Variants in DPP10 observed in about 807,000 individuals in gnomAD.
DPP10 encodes dipeptidyl peptidase like 10.
In DPP10, 33 loss-of-function variants were observed where a neutral mutation model predicts 120.9. The ratio of observed to expected loss-of-function variants is 0.27; its 90% CI spans 0.21 to 0.37. The LOEUF is 0.37. DPP10 is among the 10% of genes least tolerant of loss of function. The pLI is 1.00. For missense variants in DPP10, 816 were observed against 942.8 expected (o/e 0.87, Z 1.76); for synonymous variants, 337 against 326.1 (o/e 1.03, Z -0.36).
rs968304922 is a variant in DPP10, at chr2:114,501,621, T to G, written c.60+58783T>G. 2.0e-5 allele frequency among the ~76,000 whole-genome samples: 3 copies of G among 152,040 alleles called. No homozygotes were observed. The South Asian group carries it at 6.2e-4, about 32-fold the overall frequency. ...GCAATCCCCCAGGTGAATAGAAAAT[T>G]TAAAATAATATTCTAATGATTCATT... is the stretch of plus-strand genomic sequence containing the variant. On this transcript the variant is annotated intron_variant, in intron 1 of 25. Coordinates refer to ENST00000410059, the MANE Select transcript of DPP10 (RefSeq NM_020868.6).
At chr2:115,382,724 CT>C (rs1172719568) in intron 3 of DPP10, among the ~76,000 whole-genome samples, 2 of 152,174 alleles carry the variant, frequency 1.3e-5, no homozygotes, top group Non-Finnish European at 2.9e-5. Flanking sequence ...AAAAAAAGAG[CT>C]GGAATAGTTT....
chr2:114,771,618 G>T (rs1681260303), intron 1 of DPP10, among the ~76,000 whole-genome samples: 1 of 152,300 alleles, frequency 6.6e-6, no homozygotes, highest in Admixed American at 6.5e-5. Context: ...ACCCATAGGT[G>T]AATAGAAGGA....
At chr2:115,444,022 C>T (rs991470326) in intron 3 of DPP10, among the ~76,000 whole-genome samples, 1 of 152,166 alleles carries the variant, frequency 6.6e-6, no homozygotes, top group Admixed American at 6.5e-5. Context: ...TTCCCTGCTT[C>T]CCCTCCCCCA....
rs531806173 is a variant in DPP10, at chr2:115,410,794, C to T, written c.271+66882C>T. 1.9e-3 allele frequency among the ~76,000 whole-genome samples: 283 copies of T among 152,282 alleles called. 1 individual carries two copies. Among genetic ancestry groups the T allele is most frequent in the Non-Finnish European group, 1.9e-3 (127 of 68,020 alleles). On this transcript the variant is annotated intron_variant, in intron 3 of 25. Transcript: ENST00000410059. ...AACTTATCCATGTAACCAAAACCAC[C>T]TGTTCCCTAAAATCTATTTAAATAA...
At chr2:115,730,028 T>C (rs1044513197) in intron 8 of DPP10, among the ~76,000 whole-genome samples, 3 of 152,168 alleles carry the variant, frequency 2.0e-5, no homozygotes, top group Non-Finnish European at 2.9e-5. Context: ...CTATCAATGA[T>C]TTGGAATTTC....
At chr2:114,527,387 T>A (rs1053911968) in intron 1 of DPP10, among the ~76,000 whole-genome samples, 2 of 152,168 alleles carry the variant, frequency 1.3e-5, no homozygotes, top group Non-Finnish European at 2.9e-5. Flanking sequence ...CCAGTCCAAA[T>A]GGGACTATTC....
intron 1 of DPP10, among the ~76,000 whole-genome samples, chr2:115,228,433 T>C (rs2057553954): frequency 6.6e-6 from 1 of 152,154 alleles, no homozygotes. Context: ...CCTGTTTTGC[T>C]ATCAAATATA....
At chr2:115,235,223 A>G (rs2057936444) in intron 1 of DPP10, among the ~76,000 whole-genome samples, 1 of 152,182 alleles carries the variant, frequency 6.6e-6, no homozygotes, top group African/African-American at 2.4e-5. Context: ...AGCTGGATAT[A>G]GTTTACTGGG....
intron 5 of DPP10, among the ~76,000 whole-genome samples, chr2:115,535,021 CAG>C (rs2078720199): frequency 6.7e-6 from 1 of 148,244 alleles, no homozygotes; most frequent in African/African-American, 2.5e-5. Flanking sequence ...AGCCCTTTGT[CAG>C]ATGAGTAGGT....
chr2:114,635,135 TTTTC>T (rs1396818330), intron 1 of DPP10, among the ~76,000 whole-genome samples: 1 of 151,924 alleles, frequency 6.6e-6, no homozygotes, highest in Admixed American at 6.6e-5. Context: ...ATTGTTTTTT[TTTTC>T]TGTTTGCAAT....
At chr2:114,834,616 A>T (rs62165241) in intron 1 of DPP10, among the ~76,000 whole-genome samples, 4 of 75,154 alleles carry the variant, frequency 5.3e-5, no homozygotes, top group South Asian at 8.7e-4. Flanking sequence ...GCCATATCTA[A>T]GCACCTATGT....
At chr2:115,797,233 AT>A (rs1684638093) in intron 19 of DPP10, among the ~76,000 whole-genome samples, 1 of 152,102 alleles carries the variant, frequency 6.6e-6, no homozygotes, top group African/African-American at 2.4e-5. Flanking sequence ...ATTTAATAAA[AT>A]TCTGAATTCT....
intron 5 of DPP10, among the ~76,000 whole-genome samples, chr2:115,627,641 G>T (rs2149304743): frequency 6.6e-6 from 1 of 152,192 alleles, no homozygotes; most frequent in East Asian, 1.9e-4. Context: ...TAGGTATTAA[G>T]TCCTGTAAGA....
chr2:115,606,348 T>G (rs1041102668), intron 5 of DPP10, among the ~76,000 whole-genome samples: 2 of 152,174 alleles, frequency 1.3e-5, no homozygotes, highest in African/African-American at 4.8e-5. Flanking sequence ...GATTCAAATT[T>G]AAACTAAAAG....
intron 1 of DPP10, among the ~76,000 whole-genome samples, chr2:114,674,050 A>C (rs1002578641): frequency 2.0e-5 from 3 of 152,052 alleles, no homozygotes; most frequent in Non-Finnish European, 4.4e-5. Flanking sequence ...TTTTCATTTT[A>C]TGTTTCTAAT....
At chr2:114,694,462 A>G (rs1699950894) in intron 1 of DPP10, among the ~76,000 whole-genome samples, 1 of 151,974 alleles carries the variant, frequency 6.6e-6, no homozygotes, top group Admixed American at 6.6e-5. Flanking sequence ...GAACTCAGAT[A>G]CCAATTCTCT....
At chr2:115,565,297 C>T (rs558092575) in intron 5 of DPP10, among the ~76,000 whole-genome samples, 1 of 152,272 alleles carries the variant, frequency 6.6e-6, no homozygotes, top group African/African-American at 2.4e-5. Context: ...TTCTCTTTCA[C>T]TATGTTTTAT....
At chr2:114,772,518 A>G (rs1254631863) in intron 1 of DPP10, among the ~76,000 whole-genome samples, 2 of 152,178 alleles carry the variant, frequency 1.3e-5, no homozygotes, top group Non-Finnish European at 2.9e-5. Context: ...CCTTTATCAG[A>G]CAGAGAGAAG....
intron 1 of DPP10, among the ~76,000 whole-genome samples, chr2:115,307,208 A>AAT (rs1281014642): frequency 2.0e-5 from 3 of 152,090 alleles, no homozygotes; most frequent in African/African-American, 7.2e-5. Context: ...GACACATAAT[A>AAT]ATATATATAA....
Sources: allele counts gnomAD v4.1 joint callset (sites outside exome capture counted in the v4.1 genomes callset), GRCh38; gene constraint gnomAD v4.1.1; transcripts MANE v1.5; gene names NCBI Gene and HGNC (gene_info 2026-07-23, HGNC 2026-07-21).